SLC28A3: variants seen among roughly 807,000 people sequenced by gnomAD.
SLC28A3 encodes the protein solute carrier family 28 member 3, also known as concentrative Na(+)-nucleoside cotransporter 3.
Under a neutral mutation model 84.2 loss-of-function variants are expected in SLC28A3, and 68 were observed. The ratio of observed to expected loss-of-function variants is 0.81; its 90% CI spans 0.66 to 0.99. SLC28A3 has a LOEUF of 0.99. Ranked by LOEUF, SLC28A3 falls within the 50% of genes least tolerant of loss-of-function variation. SLC28A3 has a pLI of 0.00. For synonymous variants in SLC28A3, 267 were observed against 303.6 expected (o/e 0.88, Z 1.25); for missense variants, 712 against 841.5 (o/e 0.85, Z 1.90).
At chr9:84,332,730 G>A (rs878861005) in intron 1 of SLC28A3, among the ~76,000 whole-genome samples, 1 of 150,228 alleles carries the variant, frequency 6.7e-6, no homozygotes, top group Non-Finnish European at 1.5e-5. Flanking sequence ...ACACTTGTTC[G>A]AAAAAAAAAT....
At chr9:84,305,202 G>GAAA (rs35729465) in intron 4 of SLC28A3, 52 bp downstream of exon 4, 334 of 1,165,374 alleles carry the variant, frequency 2.9e-4, no homozygotes, top group African/African-American at 1.1e-3. Context: ...GGGAATCCCT[G>GAAA]AAAAAAAAAA....
chr9:84,339,827 C>T (rs1389117754), intron 1 of SLC28A3, among the ~76,000 whole-genome samples: 1 of 152,178 alleles, frequency 6.6e-6, no homozygotes, highest in Non-Finnish European at 1.5e-5. Flanking sequence ...CCTTTTACCT[C>T]CCTCTTTCCT....
intron 10 of SLC28A3, among the ~76,000 whole-genome samples, chr9:84,292,202 T>A (rs1013734495): frequency 6.6e-6 from 1 of 152,216 alleles, no homozygotes; most frequent in African/African-American, 2.4e-5. Flanking sequence ...TAGTTTAGAA[T>A]GGGAGGCTGT....
At chr9:84,348,580 T>C in the SLC28A3 span, among the ~76,000 whole-genome samples, 3 of 152,246 alleles carry the variant, frequency 2.0e-5, no homozygotes, top group African/African-American at 7.2e-5. Context: ...AGTAAGCATC[T>C]GCTGTGGATT....
At chr9:84,309,523 C>CAA (rs71366931) in intron 3 of SLC28A3, 106 bp downstream of exon 3, 6,187 of 238,030 alleles carry the variant, frequency 0.026, 208 homozygotes, top group African/African-American at 0.048. Flanking sequence ...ACTCTTATCT[C>CAA]AAAAAAAAAA....
chr9:84,344,849 T>G (rs1272448389), upstream of SLC28A3, among the ~76,000 whole-genome samples: 1 of 152,176 alleles, frequency 6.6e-6, no homozygotes, highest in Non-Finnish European at 1.5e-5. Context: ...CAAACCAATG[T>G]ATTTCTTAAA....
chr9:84,342,396 C>G (rs567782078), upstream of SLC28A3, among the ~76,000 whole-genome samples: 1 of 151,658 alleles, frequency 6.6e-6, no homozygotes, highest in South Asian at 2.1e-4. Context: ...TCAAGTTGCT[C>G]TGAATATACA....
chr9:84,333,634 G>C (rs1564178635), intron 1 of SLC28A3, among the ~76,000 whole-genome samples: 1 of 152,142 alleles, frequency 6.6e-6, no homozygotes, highest in Non-Finnish European at 1.5e-5. Flanking sequence ...CCACCAGAAT[G>C]GTTGACATTA....
upstream of SLC28A3, among the ~76,000 whole-genome samples, chr9:84,345,341 A>T (rs1328276225): frequency 1.3e-5 from 2 of 152,226 alleles, no homozygotes; most frequent in Non-Finnish European, 2.9e-5. Flanking sequence ...GGAAGAAACC[A>T]GTTGGTGCAA....
At position 84,279,321 on chromosome 9, in the gene SLC28A3, G is replaced by A. The variant is rs140078467; in HGVS notation, c.1893C>T (p.Ser631=). 8.2e-5 allele frequency: 133 copies of A among 1,613,422 alleles called. 1 individual carries two copies. The African/African-American group carries it at 1.7e-3, about 20-fold the overall frequency. Residue 631 remains serine, a synonymous_variant, in exon 17 of 18, where the codon TCC becomes TCT. Transcript: ENST00000376238. ...CCTTGGTTGTGTTTCCAGGGAAAGT[G>A]GAGTTGAAGGCATTCTCTAAAACGT... ...CHHVLENAFN[S]TFPGNTTKVI... is the part of the protein sequence containing the mutation.
the SLC28A3 span, among the ~76,000 whole-genome samples, chr9:84,354,716 G>T: frequency 6.6e-6 from 1 of 152,010 alleles, no homozygotes; most frequent in Non-Finnish European, 1.5e-5. Flanking sequence ...GTATGGTGGC[G>T]TGTGCCTGTA....
At chr9:84,301,975 G>C (rs979832833) in intron 5 of SLC28A3, among the ~76,000 whole-genome samples, 1 of 152,142 alleles carries the variant, frequency 6.6e-6, no homozygotes, top group African/African-American at 2.4e-5. Context: ...TTGACATTAA[G>C]GCAGTTTGTG....
chr9:84,333,926 A>C (rs1348995730), intron 1 of SLC28A3, among the ~76,000 whole-genome samples: 1 of 152,228 alleles, frequency 6.6e-6, no homozygotes, highest in Non-Finnish European at 1.5e-5. Context: ...AGCAAAATGT[A>C]TAAGTTGTGG....
chr9:84,336,932 C>T (rs745569354), intron 1 of SLC28A3, among the ~76,000 whole-genome samples: 1 of 152,156 alleles, frequency 6.6e-6, no homozygotes, highest in Non-Finnish European at 1.5e-5. Flanking sequence ...ATCAAATTCT[C>T]CCTCCTTTGG....
intron 4 of SLC28A3, among the ~76,000 whole-genome samples, chr9:84,303,132 G>T (rs966073622): frequency 6.6e-6 from 1 of 152,150 alleles, no homozygotes; most frequent in Non-Finnish European, 1.5e-5. Flanking sequence ...TAAAAACTGA[G>T]TTCCCAACCA....
intron 1 of SLC28A3, among the ~76,000 whole-genome samples, chr9:84,338,781 C>T (rs1013639086): frequency 6.6e-6 from 1 of 152,172 alleles, no homozygotes; most frequent in African/African-American, 2.4e-5. Context: ...TTATGCTTTT[C>T]CCCCTCACTT....
rs1824958504 is a variant in SLC28A3, at chr9:84,285,791, A to G, written c.1449+152T>C. The stretch of plus-strand genomic sequence containing the variant: ...GAAGGAGGGGGATAGGAGACAGAGA[A>G]AAGGTGGGTGGGAAGTTGGGGGATG... On this transcript the variant is annotated intron_variant, in intron 13 of 17. Transcript: ENST00000376238. 4 of 965,470 alleles carry G rather than the reference A, an allele frequency of 4.1e-6. No homozygotes were observed. In the South Asian group the frequency reaches 5.3e-5, roughly 13 times the overall value. The allele number at this position is 965,470 out of a possible 1,614,324, so 59.8% of individuals were successfully genotyped here. A position where few individuals can be genotyped will look rare whatever the true frequency, so the allele number is the denominator to read the frequency against.
At chr9:84,317,333 G>A (rs528515381) in intron 1 of SLC28A3, among the ~76,000 whole-genome samples, 1 of 152,268 alleles carries the variant, frequency 6.6e-6, no homozygotes, top group East Asian at 1.9e-4. Flanking sequence ...TTATAGAAGT[G>A]TTGAAAGTTC....
At chr9:84,328,408 G>T (rs1826652586) in intron 1 of SLC28A3, among the ~76,000 whole-genome samples, 1 of 151,736 alleles carries the variant, frequency 6.6e-6, no homozygotes, top group Non-Finnish European at 1.5e-5. Flanking sequence ...AGACCACAGT[G>T]GGCAAATTGC....
Sources: allele counts gnomAD v4.1 joint callset (sites outside exome capture counted in the v4.1 genomes callset), GRCh38; gene constraint gnomAD v4.1.1; transcripts MANE v1.5; gene names NCBI Gene and HGNC (gene_info 2026-07-23, HGNC 2026-07-21).